Variants in SLC8A1 observed in about 807,000 individuals in gnomAD.
The protein encoded by SLC8A1 is sodium/calcium exchanger 1.
In SLC8A1, 18 loss-of-function variants were observed where a neutral mutation model predicts 68.3. The observed-to-expected ratio is 0.26, with a 90% CI of 0.18 to 0.39. SLC8A1 has a LOEUF of 0.39. Ranked by LOEUF, SLC8A1 falls within the 10% of genes least tolerant of loss-of-function variation. The pLI, the probability that SLC8A1 is intolerant of heterozygous loss-of-function variation, is 1.00. For synonymous variants in SLC8A1, 475 were observed against 415.5 expected, an observed-to-expected ratio of 1.14 and a Z score of -1.74; for missense variants, 985 against 1,156.7, an observed-to-expected ratio of 0.85 and a Z score of 2.15.
At chr2:40,262,712 G>A (rs1029909660) in intron 2 of SLC8A1, among the ~76,000 whole-genome samples, 1 of 152,198 alleles carries the variant, frequency 6.6e-6, no homozygotes, top group African/African-American at 2.4e-5. Context: ...TGTTCATGGA[G>A]ATTTTGCTCG....
At chr2:40,343,200 T>C (rs1174587902) in intron 2 of SLC8A1, among the ~76,000 whole-genome samples, 1 of 152,182 alleles carries the variant, frequency 6.6e-6, no homozygotes, top group African/African-American at 2.4e-5. Context: ...CTAAGAGTTT[T>C]TGCTGTGAAT....
intron 2 of SLC8A1, chr2:40,254,440 G>A (rs2063542733): frequency 6.9e-6 from 1 of 145,744 alleles, no homozygotes; most frequent in Non-Finnish European, 1.5e-5. Flanking sequence ...TCCTGCATCA[G>A]ACAGGTCATC....
chr2:40,395,143 GAAC>G (rs1431465455), intron 2 of SLC8A1, among the ~76,000 whole-genome samples: 1 of 152,116 alleles, frequency 6.6e-6, no homozygotes, highest in African/African-American at 2.4e-5. Flanking sequence ...GAGGGTAGGG[GAAC>G]AACAACAAAA....
chr2:40,227,987 A>G (rs2059193834), intron 2 of SLC8A1, among the ~76,000 whole-genome samples: 1 of 152,186 alleles, frequency 6.6e-6, no homozygotes, highest in Non-Finnish European at 1.5e-5. Flanking sequence ...ATGCTGATGA[A>G]TGAATACCCA....
chr2:40,272,324 T>C (rs2066145867), intron 2 of SLC8A1, among the ~76,000 whole-genome samples: 1 of 152,046 alleles, frequency 6.6e-6, no homozygotes, highest in African/African-American at 2.4e-5. Context: ...TTTGGGAGGG[T>C]TCTTTTCCTG....
chr2:40,161,200 G>C lies in SLC8A1; in HGVS notation c.2062-336C>G, dbSNP rs941228380. On this transcript the variant is annotated intron_variant, in intron 5 of 7. Coordinates refer to ENST00000406785, the Ensembl canonical transcript of SLC8A1. ...TGCTTCTCTGCTGGTTTCATCTGTA[G>C]TGTTTCGTCTGCAAGTGAATTAACA... is the stretch of plus-strand genomic sequence containing the variant. 1.3e-5 allele frequency among the ~76,000 whole-genome samples: 2 copies of C among 151,684 alleles called. 1 individual carries two copies. The highest frequency in any genetic ancestry group is 4.1e-4 in the South Asian group (2 of 4,830).
Position 40,397,980 on chromosome 2 carries a change from C to T in SLC8A1, c.1808+30493G>A, listed in dbSNP as rs945351207. Reference sequence around the variant, plus strand: ...CTTACACATTAAACAGCTGAGCCAACGGATGTTTCAACTGCCAGGAAAATA... The same window carrying T: ...CTTACACATTAAACAGCTGAGCCAATGGATGTTTCAACTGCCAGGAAAATA... On this transcript the variant is annotated intron_variant, in intron 2 of 7. Coordinates refer to ENST00000406785, the Ensembl canonical transcript of SLC8A1. Among the ~76,000 whole-genome samples the T allele has an allele frequency of 4.6e-5, 7 of 152,162 alleles. No homozygotes were observed. In the South Asian group the frequency reaches 8.3e-4, roughly 18 times the overall value.
intron 2 of SLC8A1, among the ~76,000 whole-genome samples, chr2:40,346,105 C>T (rs12996962): frequency 0.26 from 38,811 of 147,274 alleles, 6,092 homozygotes; most frequent in East Asian, 0.63. Context: ...CTCAAGTTTC[C>T]TGTGGTCCCC....
At chr2:40,192,006 A>G (rs949451667) in intron 2 of SLC8A1, among the ~76,000 whole-genome samples, 3 of 152,194 alleles carry the variant, frequency 2.0e-5, no homozygotes, top group Non-Finnish European at 4.4e-5. Flanking sequence ...TAGCAGCATT[A>G]TTTAGTCACT....
chr2:40,174,807 G>T lies in SLC8A1; in HGVS notation c.1930+18C>A. On this transcript the variant is annotated intron_variant, in intron 4 of 7. Coordinates refer to ENST00000406785, the Ensembl canonical transcript of SLC8A1. ...AGACAGTAAAAGTTAGATAGCATTA[G>T]ACTTGAAAAATTCATACCTGTTATT... is the stretch of plus-strand genomic sequence containing the variant. 6.2e-7 allele frequency: 1 copy of T among 1,608,480 alleles called. No individual in the cohort carries two copies.
chr2:40,452,234 C>T (rs1349265182), upstream of SLC8A1, among the ~76,000 whole-genome samples: 12 of 150,006 alleles, frequency 8.0e-5, no homozygotes, highest in Admixed American at 8.0e-4. Context: ...CGCTCACACG[C>T]GCGCTCGGCC....
intron 2 of SLC8A1, among the ~76,000 whole-genome samples, chr2:40,424,955 T>C (rs1559626298): frequency 6.6e-6 from 1 of 151,848 alleles, no homozygotes; most frequent in South Asian, 2.1e-4. Flanking sequence ...ACTAGAACCA[T>C]TAAAGAACAA....
intron 2 of SLC8A1, among the ~76,000 whole-genome samples, chr2:40,390,087 CAATTGT>C (rs1684812049): frequency 6.6e-6 from 1 of 151,798 alleles, no homozygotes. Flanking sequence ...TATTATTAGG[CAATTGT>C]AATGGAAGAA....
intron 2 of SLC8A1, among the ~76,000 whole-genome samples, chr2:40,382,345 C>T (rs886394607): frequency 2.0e-5 from 3 of 151,908 alleles, no homozygotes; most frequent in East Asian, 1.9e-4. Flanking sequence ...ACCTAGTAGG[C>T]GGTCTTCAGG....
At chr2:40,156,296 C>CAGA (rs2044470742) in intron 6 of SLC8A1, among the ~76,000 whole-genome samples, 1 of 151,376 alleles carries the variant, frequency 6.6e-6, no homozygotes, top group Non-Finnish European at 1.5e-5. Context: ...AACCAAAAAT[C>CAGA]AGAAGTGTTA....
chr2:40,308,560 C>A (rs1349561476), intron 2 of SLC8A1, among the ~76,000 whole-genome samples: 11 of 152,048 alleles, frequency 7.2e-5, no homozygotes. Context: ...ATGTTTAAGG[C>A]TCTGAGCTAC....
intron 2 of SLC8A1, among the ~76,000 whole-genome samples, chr2:40,179,392 G>C (rs2049043277): frequency 1.3e-5 from 2 of 152,186 alleles, no homozygotes; most frequent in South Asian, 4.1e-4. Context: ...ATGGCTATGA[G>C]TGACTGACAG....
chr2:40,408,965 G>A (rs987897742), intron 2 of SLC8A1, among the ~76,000 whole-genome samples: 2 of 152,066 alleles, frequency 1.3e-5, no homozygotes, highest in African/African-American at 4.8e-5. Flanking sequence ...CTCGGTAACT[G>A]TAACTACATA....
intron 1 of SLC8A1, among the ~76,000 whole-genome samples, chr2:40,500,550 A>G (rs995325161): frequency 2.0e-5 from 3 of 152,070 alleles, no homozygotes; most frequent in Middle Eastern, 3.4e-3. Context: ...TAAATCTAAT[A>G]TTTGGGGAAA....
Sources: gnomAD v4.1 joint callset for allele counts (sites outside exome capture counted in the v4.1 genomes callset) on GRCh38, gnomAD v4.1.1 for gene constraint, MANE v1.5 for transcripts, NCBI Gene and HGNC (gene_info 2026-07-23, HGNC 2026-07-21) for gene names.